NTM: variants seen among roughly 807,000 people sequenced by gnomAD.
NTM encodes the protein IgLON family member 2.
A neutral mutation model predicts 42.1 loss-of-function variants in NTM; 13 were observed. The ratio of observed to expected loss-of-function variants is 0.31; its 90% CI spans 0.20 to 0.49. NTM has a LOEUF of 0.49. Ranked by LOEUF, NTM falls within the 20% of genes least tolerant of loss-of-function variation. The probability of loss-of-function intolerance (pLI) is 0.99; values close to 1 mark genes in which losing one functional copy is unlikely to be tolerated. For synonymous variants in NTM, 187 were observed against 179.2 expected (o/e 1.04, Z -0.35); for missense variants, 373 against 452.8 (o/e 0.82, Z 1.60).
chr11:132,007,631 A>G (rs1414887715), intron 2 of NTM, among the ~76,000 whole-genome samples: 1 of 152,242 alleles, frequency 6.6e-6, no homozygotes, highest in Non-Finnish European at 1.5e-5. Flanking sequence ...AGAGAAGCTT[A>G]CTATTTAAAG....
chr11:131,787,652 G>A (rs1281208209), intron 1 of NTM, among the ~76,000 whole-genome samples: 1 of 152,106 alleles, frequency 6.6e-6, no homozygotes, highest in Non-Finnish European at 1.5e-5. Context: ...CCAAAGTGCT[G>A]GGATTGGGTG....
At chr11:132,055,111 G>A (rs2079420560) in intron 2 of NTM, among the ~76,000 whole-genome samples, 1 of 152,248 alleles carries the variant, frequency 6.6e-6, no homozygotes, top group Non-Finnish European at 1.5e-5. Context: ...AGATTGCAAA[G>A]GATGGGGCTG....
At chr11:131,890,271 C>G (rs1437055315) in intron 1 of NTM, among the ~76,000 whole-genome samples, 1 of 152,176 alleles carries the variant, frequency 6.6e-6, no homozygotes, top group African/African-American at 2.4e-5. Context: ...CACCATACCC[C>G]CTGGAAACAG....
Position 131,731,315 on chromosome 11 carries a change from T to C in NTM, c.83-180249T>C, listed in dbSNP as rs564860508. 3.0e-4 allele frequency among the ~76,000 whole-genome samples: 45 copies of C among 152,284 alleles called. 3 individuals are homozygous for C. In the South Asian group the frequency reaches 9.1e-3, roughly 31 times the overall value. On this transcript the variant is annotated intron_variant, in intron 1 of 8. Transcript: ENST00000683400. ...TTAGATCTAACATATGTAGGTCAGC[T>C]CCCATTTTCATATTGCTTAAAATAA...
intron 1 of NTM, among the ~76,000 whole-genome samples, chr11:131,484,267 TA>T (rs34662298): frequency 1.3e-5 from 2 of 152,124 alleles, no homozygotes; most frequent in Non-Finnish European, 2.9e-5. Context: ...AATTTTGTAT[TA>T]AAAAAAGAGA....
chr11:132,029,084 G>A (rs995412644), intron 2 of NTM, among the ~76,000 whole-genome samples: 1 of 150,950 alleles, frequency 6.6e-6, no homozygotes, highest in African/African-American at 2.4e-5. Flanking sequence ...GTTTTGTTTT[G>A]TTTTTTTGCT....
chr11:132,305,291 C>G (rs2095036879), intron 4 of NTM, among the ~76,000 whole-genome samples: 1 of 152,164 alleles, frequency 6.6e-6, no homozygotes, highest in Admixed American at 6.5e-5. Context: ...GAACCTCTGT[C>G]TTTTTGTTTG....
intron 4 of NTM, among the ~76,000 whole-genome samples, chr11:132,213,601 A>C (rs1592263492): frequency 1.3e-5 from 2 of 152,158 alleles, no homozygotes; most frequent in African/African-American, 2.4e-5. Context: ...TCAGAGTAAG[A>C]CTATGAAGGG....
intron 1 of NTM, among the ~76,000 whole-genome samples, chr11:131,909,537 C>T (rs1175949887): frequency 6.6e-6 from 1 of 152,204 alleles, no homozygotes; most frequent in Non-Finnish European, 1.5e-5. Flanking sequence ...GTTGCCTCCT[C>T]TCCATCCCCA....
chr11:131,933,797 A>G (rs1368032410), intron 2 of NTM, among the ~76,000 whole-genome samples: 1 of 152,190 alleles, frequency 6.6e-6, no homozygotes, highest in Non-Finnish European at 1.5e-5. Context: ...GGTGAGGAAA[A>G]GCGTGAACTG....
intron 1 of NTM, among the ~76,000 whole-genome samples, chr11:131,472,181 G>T (rs570853835): frequency 6.6e-6 from 1 of 152,166 alleles, no homozygotes; most frequent in African/African-American, 2.4e-5. Context: ...TTACTGTGTG[G>T]CTATTTAATT....
intron 1 of NTM, chr11:131,911,041 G>GT: frequency 9.5e-7 from 1 of 1,048,170 alleles, no homozygotes; most frequent in Non-Finnish European, 1.2e-6. Context: ...TCGAACTGAG[G>GT]GACTGCAGAC....
intron 2 of NTM, among the ~76,000 whole-genome samples, chr11:132,140,804 A>T (rs2068941376): frequency 6.6e-6 from 1 of 152,140 alleles, no homozygotes; most frequent in African/African-American, 2.4e-5. Context: ...TTGCGTCGTG[A>T]TGTTCCCCTA....
chr11:131,588,996 C>T (rs369145584), intron 1 of NTM, among the ~76,000 whole-genome samples: 9 of 152,126 alleles, frequency 5.9e-5, no homozygotes, highest in Admixed American at 1.3e-4. Flanking sequence ...TGGAGCCTCA[C>T]GCTGCAGAGG....
At chr11:131,821,051 T>G (rs1167392499) in intron 1 of NTM, among the ~76,000 whole-genome samples, 1 of 150,092 alleles carries the variant, frequency 6.7e-6, no homozygotes, top group Non-Finnish European at 1.5e-5. Context: ...AATTATGTAA[T>G]AAGATGAAAT....
intron 2 of NTM, among the ~76,000 whole-genome samples, chr11:132,097,527 C>G (rs146201195): frequency 6.6e-6 from 1 of 152,304 alleles, no homozygotes; most frequent in East Asian, 1.9e-4. Context: ...TCTAGTATTT[C>G]AAGTAAAACA....
At chr11:131,379,544 C>T (rs1396897552) in intron 1 of NTM, among the ~76,000 whole-genome samples, 1 of 152,150 alleles carries the variant, frequency 6.6e-6, no homozygotes, top group African/African-American at 2.4e-5. Flanking sequence ...AACTCAGCTC[C>T]TCTTCAATAA....
intron 1 of NTM, among the ~76,000 whole-genome samples, chr11:131,526,766 A>G (rs1411720960): frequency 1.2e-4 from 18 of 152,254 alleles, no homozygotes; most frequent in Admixed American, 1.2e-3. Context: ...TTAGAGAAAT[A>G]TTAACAAGTG....
chr11:131,978,991 T>G (rs1254658845), intron 2 of NTM, among the ~76,000 whole-genome samples: 1 of 152,192 alleles, frequency 6.6e-6, no homozygotes, highest in African/African-American at 2.4e-5. Context: ...TCCCTTGTTT[T>G]TTAAGTGAGG....
Sources: gnomAD v4.1 joint callset for allele counts (sites outside exome capture counted in the v4.1 genomes callset) on GRCh38, gnomAD v4.1.1 for gene constraint, MANE v1.5 for transcripts, NCBI Gene and HGNC (gene_info 2026-07-23, HGNC 2026-07-21) for gene names.